LRRC4C: variants seen among roughly 807,000 people sequenced by gnomAD.
LRRC4C encodes leucine-rich repeat-containing protein 4C.
In LRRC4C, 5 loss-of-function variants were observed where a neutral mutation model predicts 33.6. That is an observed-to-expected ratio of 0.15 (90% confidence interval 0.08 to 0.31). LRRC4C has a LOEUF of 0.31. Among genes scored for constraint, LRRC4C ranks in the 10% least tolerant of loss-of-function variants. The pLI, the probability that LRRC4C is intolerant of heterozygous loss-of-function variation, is 1.00. For missense variants in LRRC4C, 560 were observed against 796.7 expected (o/e 0.70, Z 3.58); for synonymous variants, 329 against 302.0 (o/e 1.09, Z -0.93).
At chr11:41,282,973 A>C (rs1949718707) in intron 1 of LRRC4C, among the ~76,000 whole-genome samples, 1 of 152,212 alleles carries the variant, frequency 6.6e-6, no homozygotes, top group Admixed American at 6.5e-5. Context: ...AAAATGTTTG[A>C]CATGAATAAA....
intron 3 of LRRC4C, among the ~76,000 whole-genome samples, chr11:40,355,588 T>C (rs901945215): frequency 5.9e-5 from 9 of 152,154 alleles, no homozygotes; most frequent in Non-Finnish European, 1.3e-4. Context: ...TGTTGCTTTT[T>C]GCTGTGACAG....
intron 1 of LRRC4C, among the ~76,000 whole-genome samples, chr11:41,082,476 T>C (rs897375419): frequency 2.7e-5 from 4 of 146,694 alleles, no homozygotes; most frequent in Non-Finnish European, 6.0e-5. Context: ...TTAGAGTTCC[T>C]CTTATTGAGC....
At chr11:40,369,095 G>T (rs1948338796) in intron 3 of LRRC4C, among the ~76,000 whole-genome samples, 1 of 152,088 alleles carries the variant, frequency 6.6e-6, no homozygotes. Flanking sequence ...TTTATCTATT[G>T]ATAACCTGTC....
chr11:40,632,394 G>T (rs374823164), intron 3 of LRRC4C, among the ~76,000 whole-genome samples: 2 of 152,310 alleles, frequency 1.3e-5, no homozygotes, highest in African/African-American at 4.8e-5. Context: ...AGTTGCTGGG[G>T]TCAAGAAGGA....
intron 3 of LRRC4C, among the ~76,000 whole-genome samples, chr11:40,408,335 A>C (rs1475982978): frequency 6.6e-6 from 1 of 152,048 alleles, no homozygotes; most frequent in Non-Finnish European, 1.5e-5. Context: ...CGTAGCATTT[A>C]ATTTCTCTGT....
At chr11:41,265,866 CTT>C (rs1223587122) in intron 1 of LRRC4C, among the ~76,000 whole-genome samples, 3 of 35,326 alleles carry the variant, frequency 8.5e-5, no homozygotes, top group African/African-American at 3.8e-4. Context: ...GCCCATGGGT[CTT>C]TTCTTTTTTT....
intron 1 of LRRC4C, among the ~76,000 whole-genome samples, chr11:41,186,718 A>T (rs1945709344): frequency 6.6e-6 from 1 of 152,178 alleles, no homozygotes; most frequent in South Asian, 2.1e-4. Context: ...TAGTAACATC[A>T]GGAAGTACTA....
At chr11:40,945,857 C>A (rs1450998358) in intron 1 of LRRC4C, among the ~76,000 whole-genome samples, 1 of 152,146 alleles carries the variant, frequency 6.6e-6, no homozygotes, top group African/African-American at 2.4e-5. Flanking sequence ...CCCAAAGATT[C>A]AATAATCCAT....
At chr11:40,999,086 C>T (rs576206617) in intron 1 of LRRC4C, among the ~76,000 whole-genome samples, 6 of 152,090 alleles carry the variant, frequency 3.9e-5, no homozygotes, top group African/African-American at 9.7e-5. Flanking sequence ...GACTGCAGAT[C>T]GATGAACACA....
At chr11:40,194,037 G>A (rs543638359) in intron 5 of LRRC4C, among the ~76,000 whole-genome samples, 2 of 152,166 alleles carry the variant, frequency 1.3e-5, no homozygotes, top group Non-Finnish European at 2.9e-5. Flanking sequence ...CACACTTCAG[G>A]ATATTATCCA....
chr11:40,583,607 T>C (rs1298447788), intron 3 of LRRC4C, among the ~76,000 whole-genome samples: 2 of 152,138 alleles, frequency 1.3e-5, no homozygotes, highest in Non-Finnish European at 2.9e-5. Flanking sequence ...AATATCATCC[T>C]TTTTCCCATC....
intron 2 of LRRC4C, among the ~76,000 whole-genome samples, chr11:40,907,634 G>A (rs983880915): frequency 2.6e-5 from 4 of 152,182 alleles, no homozygotes; most frequent in Non-Finnish European, 5.9e-5. Context: ...CCTTGAAACT[G>A]TGTAGCCTTT....
chr11:40,159,861 G>T (rs1314500190), intron 5 of LRRC4C, among the ~76,000 whole-genome samples: 1 of 152,124 alleles, frequency 6.6e-6, no homozygotes, highest in Non-Finnish European at 1.5e-5. Flanking sequence ...TGGGTGGAAG[G>T]ATACTATATA....
At chr11:40,457,288 C>T (rs760088415) in intron 3 of LRRC4C, among the ~76,000 whole-genome samples, 2 of 151,580 alleles carry the variant, frequency 1.3e-5, no homozygotes, top group African/African-American at 4.8e-5. Context: ...AGAAAGTATA[C>T]CCATCAAAGA....
intron 3 of LRRC4C, among the ~76,000 whole-genome samples, chr11:40,387,799 TG>T (rs1265221882): frequency 6.6e-6 from 1 of 152,216 alleles, no homozygotes; most frequent in African/African-American, 2.4e-5. Flanking sequence ...AGGTAATATT[TG>T]CATTTGTTGT....
intron 2 of LRRC4C, among the ~76,000 whole-genome samples, chr11:40,834,071 C>T (rs1456265202): frequency 2.0e-5 from 3 of 152,044 alleles, no homozygotes; most frequent in African/African-American, 7.2e-5. Context: ...ATTTAATGAG[C>T]AGGACACAAC....
intron 2 of LRRC4C, among the ~76,000 whole-genome samples, chr11:40,759,096 A>C (rs1234688278): frequency 1.4e-5 from 2 of 147,350 alleles, no homozygotes; most frequent in African/African-American, 4.9e-5. Flanking sequence ...TATTATATAT[A>C]TAATATATAT....
At chr11:40,617,013 G>A (rs940944835) in intron 3 of LRRC4C, among the ~76,000 whole-genome samples, 7 of 151,594 alleles carry the variant, frequency 4.6e-5, no homozygotes, top group African/African-American at 1.4e-4. Context: ...TTACATGACA[G>A]ATAGCCACTT....
chr11:41,398,178 T>A (rs1271810977), intron 1 of LRRC4C, among the ~76,000 whole-genome samples: 2 of 152,014 alleles, frequency 1.3e-5, no homozygotes, highest in African/African-American at 4.8e-5. Flanking sequence ...CCACTTTCCC[T>A]CTTTTCTACT....
Sources: allele counts gnomAD v4.1 joint callset (sites outside exome capture counted in the v4.1 genomes callset), GRCh38; gene constraint gnomAD v4.1.1; transcripts MANE v1.5; gene names NCBI Gene and HGNC (gene_info 2026-07-23, HGNC 2026-07-21).